Variants in PCDHGC3 observed in about 807,000 individuals in gnomAD.
PCDHGC3 encodes protocadherin gamma subfamily C, 3, also known as protocadherin gamma-C3.
PCDHGC3 carries 26 observed loss-of-function variants against 59.2 expected under a neutral mutation model. The observed-to-expected ratio is 0.44, with a 90% CI of 0.32 to 0.61. PCDHGC3 has a LOEUF of 0.61. Among genes scored for constraint, PCDHGC3 ranks in the 20% least tolerant of loss-of-function variants. The pLI is 0.05. For missense variants in PCDHGC3, 1,080 were observed against 1,221.8 expected, an observed-to-expected ratio of 0.88 and a Z score of 1.73; for synonymous variants, 487 against 519.7, an observed-to-expected ratio of 0.94 and a Z score of 0.86.
chr5:141,492,934 G>A (rs1382515835), intron 1 of PCDHGC3, among the ~76,000 whole-genome samples: 7 of 152,236 alleles, frequency 4.6e-5, no homozygotes, highest in Admixed American at 4.6e-4. Flanking sequence ...TAGGGTCAGA[G>A]ATTTGGAGGT....
In PCDHGC3 at chr5:141,489,423, C is replaced by A. The variant is rs754178145; in HGVS notation, c.2431-5384C>A. 7.4e-6 allele frequency: 12 copies of A among 1,613,982 alleles called. No homozygotes were observed. Among genetic ancestry groups the A allele is most frequent in the Non-Finnish European group, 1.0e-5 (12 of 1,180,044 alleles). On this transcript the variant is annotated intron_variant, in intron 1 of 3. Transcript: ENST00000308177. The surrounding 1 kb of genome is among the most constrained non-coding windows in gnomAD (Gnocchi z 4.5). Reference sequence around the variant, plus strand: ...GCTTAAAGATGACAGATCTGTTGAGCCGGCGGCTGCAATTGGGCTCTGAGG... The same window carrying A: ...GCTTAAAGATGACAGATCTGTTGAGACGGCGGCTGCAATTGGGCTCTGAGG...
Position 141,491,963 on chromosome 5 carries a change from C to A in PCDHGC3, c.2431-2844C>A. ...CCCCCACCCCTACACTCAAAAAAGG[C>A]CGGGGCCTCCTTCGAGCTTCCGGTG... On this transcript the variant is annotated intron_variant, in intron 1 of 3. Coordinates refer to ENST00000308177, the MANE Select transcript of PCDHGC3 (RefSeq NM_002588.4). This position sits in a 1 kb window ranked among gnomAD's most constrained non-coding sequence, Gnocchi z 6.9. 2 of 944,828 alleles carry A rather than the reference C, an allele frequency of 2.1e-6. No homozygotes were observed. Among genetic ancestry groups the A allele is most frequent in the Non-Finnish European group, 3.0e-6 (2 of 670,874 alleles). 58.5% of individuals were successfully genotyped at this position (944,828 alleles called of 1,614,324 possible).
intron 1 of PCDHGC3, among the ~76,000 whole-genome samples, chr5:141,482,530 C>CAAAAAAAAAAAAAA (rs3074545): frequency 1.2e-4 from 9 of 76,558 alleles, no homozygotes; most frequent in African/African-American, 3.8e-4. Flanking sequence ...GACAGACATG[C>CAAAAAAAAAAAAAA]AAAAAAAAAA....
chr5:141,502,126 A>C (rs2154593060), intron 2 of PCDHGC3, among the ~76,000 whole-genome samples: 1 of 152,252 alleles, frequency 6.6e-6, no homozygotes, highest in South Asian at 2.1e-4. Flanking sequence ...AGGCCCACAG[A>C]GCTCAGTCGG....
chr5:141,494,844 C>T lies in PCDHGC3; in HGVS notation c.2468C>T (p.Ala823Val). The change falls in exon 2 of 4, where the codon GCC becomes GTC. Residue 823 changes from alanine to valine, a missense_variant. Ala to Val is a moderately conservative substitution (Grantham distance 64). Coordinates refer to ENST00000308177, the MANE Select transcript of PCDHGC3 (RefSeq NM_002588.4). ...PPNTDWRFSQ[A>V]QRPGTSGSQN... The stretch of plus-strand genomic sequence containing the variant: ...AACACGGACTGGCGTTTCTCTCAGG[C>T]CCAGAGACCCGGCACCAGCGGGTAG... The T allele has an allele frequency of 6.2e-7, 1 of 1,614,190 alleles. No homozygotes were observed. The highest frequency in any genetic ancestry group is 8.5e-7 in the Non-Finnish European group (1 of 1,180,028).
intron 2 of PCDHGC3, among the ~76,000 whole-genome samples, chr5:141,496,097 A>C (rs1329818315): frequency 6.6e-6 from 1 of 151,148 alleles, no homozygotes; most frequent in Non-Finnish European, 1.5e-5. Context: ...CCACCCACCA[A>C]CACCCCGCTC....
intron 1 of PCDHGC3, among the ~76,000 whole-genome samples, chr5:141,484,107 A>C (rs13361997): frequency 0.24 from 37,195 of 152,070 alleles, 6,332 homozygotes; most frequent in African/African-American, 0.48. Context: ...TAATTAACAA[A>C]AGATCAAGAA....
At chr5:141,503,745 G>A (rs1377110427) in intron 2 of PCDHGC3, among the ~76,000 whole-genome samples, 3 of 152,220 alleles carry the variant, frequency 2.0e-5, no homozygotes, top group South Asian at 2.1e-4. Flanking sequence ...ATGGTATAGA[G>A]GTCACACATG....
Position 141,511,313 on chromosome 5 carries a change from C to T in PCDHGC3, c.*140C>T. ...CCAAGGCCATGCTCCCCTTGGGAAA[C>T]AGAAACAAGTGCCCAGTCAGCACCT... On this transcript the variant is annotated 3_prime_UTR_variant, in exon 4 of 4. Transcript: ENST00000308177. 2 of 1,482,944 alleles carry T rather than the reference C, an allele frequency of 1.3e-6. No homozygotes were observed. The highest frequency in any genetic ancestry group is 2.3e-5 in the Admixed American group (1 of 43,596). 91.9% of individuals were successfully genotyped at this position (1,482,944 alleles called of 1,614,324 possible).
chr5:141,503,307 G>T (rs1042228003), intron 2 of PCDHGC3, among the ~76,000 whole-genome samples: 5 of 152,096 alleles, frequency 3.3e-5, no homozygotes, highest in African/African-American at 1.2e-4. Context: ...GCTCAAGAAA[G>T]AATTGTTGGA....
At chr5:141,505,536 C>T (rs749205049) in intron 3 of PCDHGC3, 55 bp downstream of exon 3, 9 of 1,610,164 alleles carry the variant, frequency 5.6e-6, no homozygotes, top group Non-Finnish European at 7.6e-6. Context: ...TTCTGGGGTG[C>T]ATCTCACAGC....
chr5:141,508,723 G>A (rs941469412), intron 3 of PCDHGC3, among the ~76,000 whole-genome samples: 2 of 151,814 alleles, frequency 1.3e-5, no homozygotes, highest in African/African-American at 4.8e-5. Context: ...TGTGTGCAGG[G>A]AGACTACACC....
intron 1 of PCDHGC3, among the ~76,000 whole-genome samples, chr5:141,482,529 GC>G (rs1229840218): frequency 3.6e-5 from 2 of 56,040 alleles, no homozygotes; most frequent in Non-Finnish European, 5.8e-5. Context: ...AGACAGACAT[GC>G]AAAAAAAAAA....
Position 141,505,499 on chromosome 5 carries a change from G to T in PCDHGC3, c.2578+18G>T, listed in dbSNP as rs753203943. 4.3e-6 allele frequency: 7 copies of T among 1,614,172 alleles called. No individual in the cohort carries two copies. The South Asian group carries it at 7.7e-5, about 18-fold the overall frequency. ...CGCCAGTGGTAAGTGGTGTCAGTGTGTGTATGGAAGAGTGGGAGACCTGGG... is the reference window on the plus strand; with the variant it reads ...CGCCAGTGGTAAGTGGTGTCAGTGTTTGTATGGAAGAGTGGGAGACCTGGG... On this transcript the variant is annotated intron_variant, in intron 3 of 3. Coordinates refer to ENST00000308177, the MANE Select transcript of PCDHGC3 (RefSeq NM_002588.4).
chr5:141,485,676 G>A lies in PCDHGC3; in HGVS notation c.2430+7130G>A. The A allele has an allele frequency of 6.2e-7, 1 of 1,612,928 alleles. No individual in the cohort carries two copies. The highest frequency in any genetic ancestry group is 2.2e-5 in the East Asian group (1 of 44,848). On this transcript the variant is annotated intron_variant, in intron 1 of 3. Coordinates refer to ENST00000308177, the MANE Select transcript of PCDHGC3 (RefSeq NM_002588.4). This position sits in a 1 kb window ranked among gnomAD's most constrained non-coding sequence, Gnocchi z 5.7. ...GCAGATGTGGGGAGCAATTCGATTA[G>A]CAGCTATAGGCTGAGCTCCAATGAA...
intron 3 of PCDHGC3, among the ~76,000 whole-genome samples, chr5:141,505,942 G>A (rs2099849309): frequency 6.6e-6 from 1 of 152,192 alleles, no homozygotes; most frequent in African/African-American, 2.4e-5. Flanking sequence ...AAGCCCTCAA[G>A]CAATGAAAGT....
rs1374094845 is a variant in PCDHGC3, at chr5:141,476,576, T to A, written c.460T>A (p.Phe154Ile). The change falls in exon 1 of 4, where the codon TTT (phenylalanine) becomes ATT (isoleucine). Residue 154 changes from phenylalanine to isoleucine, a missense_variant. Physicochemically the swap from Phe to Ile is conservative, Grantham distance 21. Coordinates refer to ENST00000308177, the MANE Select transcript of PCDHGC3 (RefSeq NM_002588.4). The surrounding 1 kb of genome is among the most constrained non-coding windows in gnomAD (Gnocchi z 7.6). ...ISEAVAPGTR[F>I]PLESAHDPDV... Reference sequence around the variant, plus strand: ...CGAGGCCGTGGCTCCGGGGACGCGCTTTCCGCTCGAGAGCGCGCACGATCC... The same window carrying A: ...CGAGGCCGTGGCTCCGGGGACGCGCATTCCGCTCGAGAGCGCGCACGATCC... 3 of 1,614,102 alleles carry A rather than the reference T, an allele frequency of 1.9e-6. No individual in the cohort carries two copies. Among genetic ancestry groups the A allele is most frequent in the Middle Eastern group, 1.6e-4 (1 of 6,084 alleles).
intron 1 of PCDHGC3, among the ~76,000 whole-genome samples, chr5:141,482,723 A>G (rs1441054551): frequency 2.3e-5 from 3 of 128,892 alleles, no homozygotes; most frequent in Non-Finnish European, 4.9e-5. Context: ...GGGAGGGGCC[A>G]TTGCAAGAAA....
chr5:141,487,404 C>T lies in PCDHGC3; in HGVS notation c.2431-7403C>T, dbSNP rs771371344. ...AGATCTCGAAGGAGGGAGGGGCTTC[C>T]CCCTTCCAATGGGATCCTCCGAATC... On this transcript the variant is annotated intron_variant, in intron 1 of 3. Transcript: ENST00000308177. The surrounding 1 kb of genome is among the most constrained non-coding windows in gnomAD (Gnocchi z 5.0). 2 of 1,614,178 alleles carry T rather than the reference C, an allele frequency of 1.2e-6. No homozygotes were observed. Among genetic ancestry groups the T allele is most frequent in the Non-Finnish European group, 8.5e-7 (1 of 1,180,032 alleles).
Sources: allele counts gnomAD v4.1 joint callset (sites outside exome capture counted in the v4.1 genomes callset), GRCh38; gene constraint gnomAD v4.1.1; non-coding constraint Gnocchi (gnomAD v3.1); transcripts MANE v1.5; gene names NCBI Gene and HGNC (gene_info 2026-07-23, HGNC 2026-07-21).